Variants in LCORL observed in about 807,000 individuals in gnomAD.
LCORL encodes ligand-dependent nuclear receptor corepressor-like protein.
Under a neutral mutation model 141.8 loss-of-function variants are expected in LCORL, and 41 were observed. That is an observed-to-expected ratio of 0.29 (90% CI 0.23 to 0.38). LCORL has a LOEUF of 0.38. Among genes scored for constraint, LCORL ranks in the 10% least tolerant of loss-of-function variants. LCORL has a pLI of 1.00. For missense variants in LCORL, 1,759 were observed against 2,035.0 expected (o/e 0.86, Z 2.61); for synonymous variants, 618 against 694.1 (o/e 0.89, Z 1.72).
At chr4:17,860,482 A>G (rs1396314892) in intron 7 of LCORL, among the ~76,000 whole-genome samples, 4 of 152,174 alleles carry the variant, frequency 2.6e-5, no homozygotes, top group African/African-American at 7.2e-5. Context: ...CCATGATTCA[A>G]TTACCTCCCA....
intron 1 of LCORL, among the ~76,000 whole-genome samples, chr4:17,982,257 CATACA>C (rs1405604546): frequency 8.5e-5 from 13 of 152,144 alleles, no homozygotes; most frequent in East Asian, 3.9e-4. Context: ...TGTGTCTTTA[CATACA>C]ATACAACAAT....
At chr4:17,975,707 T>C (rs954297639) in intron 1 of LCORL, among the ~76,000 whole-genome samples, 1 of 152,170 alleles carries the variant, frequency 6.6e-6, no homozygotes, top group African/African-American at 2.4e-5. Context: ...GTTATTGAAA[T>C]GTACAAGATT....
chr4:18,019,323 T>A (rs1725121570), intron 1 of LCORL, among the ~76,000 whole-genome samples: 2 of 152,150 alleles, frequency 1.3e-5, no homozygotes, highest in African/African-American at 4.8e-5. Flanking sequence ...TGGGCGACAG[T>A]AAGACTCCAT....
intron 4 of LCORL, among the ~76,000 whole-genome samples, chr4:17,937,286 A>G (rs963617307): frequency 4.6e-5 from 7 of 152,218 alleles, no homozygotes; most frequent in Non-Finnish European, 8.8e-5. Flanking sequence ...TCAACGAAAC[A>G]AGCTCTAGCA....
At chr4:17,989,377 C>G (rs557885392) in intron 1 of LCORL, among the ~76,000 whole-genome samples, 2 of 151,938 alleles carry the variant, frequency 1.3e-5, no homozygotes, top group Non-Finnish European at 2.9e-5. Flanking sequence ...TTATTTTGAT[C>G]CAGAGTAAAA....
chr4:17,877,409 A>G (rs974590019), exon 7 of LCORL: 7 of 1,230,270 alleles, frequency 5.7e-6, no homozygotes, highest in African/African-American at 3.1e-5. Flanking sequence ...AATCTTGAAA[A>G]ATTACAGCAG....
intron 4 of LCORL, among the ~76,000 whole-genome samples, chr4:17,956,423 G>A (rs979842889): frequency 3.9e-5 from 6 of 151,974 alleles, no homozygotes; most frequent in Non-Finnish European, 5.9e-5. Context: ...TCTATGAATG[G>A]ATAAAGAAAA....
intron 4 of LCORL, among the ~76,000 whole-genome samples, chr4:17,909,557 C>T (rs1732171019): frequency 6.6e-6 from 1 of 152,026 alleles, no homozygotes; most frequent in Non-Finnish European, 1.5e-5. Context: ...TATTTAATTA[C>T]TTCTTACAAT....
chr4:17,889,840 T>C (rs1249262544), intron 5 of LCORL, among the ~76,000 whole-genome samples: 4 of 152,044 alleles, frequency 2.6e-5, no homozygotes, highest in Non-Finnish European at 5.9e-5. Flanking sequence ...ATTTTGTGTG[T>C]ACATCATTCC....
At chr4:17,987,775 A>C (rs926914325) in intron 1 of LCORL, among the ~76,000 whole-genome samples, 1 of 152,194 alleles carries the variant, frequency 6.6e-6, no homozygotes, top group Non-Finnish European at 1.5e-5. Flanking sequence ...TTGGCAATTC[A>C]TGTAAGTTCC....
At chr4:17,902,947 A>G (rs907399169) in intron 5 of LCORL, among the ~76,000 whole-genome samples, 2 of 152,108 alleles carry the variant, frequency 1.3e-5, no homozygotes, top group Non-Finnish European at 2.9e-5. Context: ...TGGTGGTACA[A>G]TAGTTAATGT....
chr4:17,910,758 C>T (rs1285459213), intron 4 of LCORL, among the ~76,000 whole-genome samples: 1 of 152,144 alleles, frequency 6.6e-6, no homozygotes, highest in Non-Finnish European at 1.5e-5. Flanking sequence ...ATAAGCTGGT[C>T]CTGCATAACT....
At chr4:17,862,311 AG>A (rs1221424549) in intron 7 of LCORL, among the ~76,000 whole-genome samples, 4 of 152,242 alleles carry the variant, frequency 2.6e-5, no homozygotes, top group African/African-American at 9.6e-5. Context: ...GAGCTTGTGC[AG>A]GAAAACTTCC....
At chr4:17,855,511 T>C (rs901632614) in intron 7 of LCORL, among the ~76,000 whole-genome samples, 2 of 152,212 alleles carry the variant, frequency 1.3e-5, no homozygotes, top group African/African-American at 4.8e-5. Flanking sequence ...ATACTATCAA[T>C]ATCAAATTGA....
rs75991345 is a variant in LCORL, at chr4:17,987,038, G to A, written c.155-14153C>T. 1.4e-4 allele frequency among the ~76,000 whole-genome samples: 22 copies of A among 152,086 alleles called. 1 individual carries two copies. In the East Asian group the frequency reaches 3.3e-3, roughly 23 times the overall value. On this transcript the variant is annotated intron_variant, in intron 1 of 7. Transcript: ENST00000635767. The stretch of plus-strand genomic sequence containing the variant: ...CAAAAATCATTTTATGTGTGAATAC[G>A]AGTGTGCATTTGGTTTTCACATGTG...
intron 1 of LCORL, among the ~76,000 whole-genome samples, chr4:17,994,773 T>C (rs1720632836): frequency 6.9e-6 from 1 of 145,794 alleles, no homozygotes; most frequent in Non-Finnish European, 1.5e-5. Context: ...AGGGGAGTAA[T>C]AGGGAAAAAA....
intron 1 of LCORL, among the ~76,000 whole-genome samples, chr4:17,999,191 A>AGCCGGGTGCGGTGGCTCAC (rs57487263): frequency 1 from 150,103 of 150,538 alleles, 74,835 homozygotes; most frequent in Non-Finnish European, 1. Flanking sequence ...AGGATGTCTA[A>AGCCGGGTGCGGTGGCTCAC]GCCTGTAATC....
chr4:17,843,612 A>G, exon 8 of LCORL: 1 of 506,482 alleles, frequency 2.0e-6, no homozygotes, highest in Non-Finnish European at 3.5e-6. Context: ...GTCCAGAAAA[A>G]GTGTGCATCA....
intron 1 of LCORL, among the ~76,000 whole-genome samples, chr4:17,994,062 T>C (rs532671941): frequency 2.2e-4 from 33 of 152,294 alleles, no homozygotes; most frequent in African/African-American, 6.3e-4. Flanking sequence ...TTTGGTTGGA[T>C]ATGTGGGGCA....
Sources: allele counts gnomAD v4.1 joint callset (sites outside exome capture counted in the v4.1 genomes callset), GRCh38; gene constraint gnomAD v4.1.1; transcripts MANE v1.5; gene names NCBI Gene and HGNC (gene_info 2026-07-23, HGNC 2026-07-21).